AGMO: variants seen among roughly 807,000 people sequenced by gnomAD.
AGMO encodes alkylglycerol monooxygenase.
AGMO carries 75 observed loss-of-function variants against 60.2 expected under a neutral mutation model. The observed-to-expected ratio is 1.25, with a 90% CI of 1.03 to 1.51. The LOEUF (loss-of-function observed/expected upper bound fraction) is 1.51. Among genes scored for constraint, AGMO ranks in the 40% most tolerant of loss-of-function variants. AGMO has a pLI of 0.00. For synonymous variants in AGMO, 261 were observed against 177.1 expected (o/e 1.47, Z -3.76); for missense variants, 763 against 525.5 (o/e 1.45, Z -4.42).
rs71004372 is a variant in AGMO, at chr7:15,248,223, T to TATATA, written c.1264-46865_1264-46864insTATAT. The stretch of plus-strand genomic sequence containing the variant: ...ATATATATATATATATATATATATA[T>TATATA]ATCTTCATCTTCAATTCTAGTCTAA... On this transcript the variant is annotated intron_variant, in intron 12 of 12. Transcript: ENST00000342526. Among the ~76,000 whole-genome samples the TATATA allele has an allele frequency of 1.9e-3, 209 of 111,980 alleles. 7 individuals carry two copies. The highest frequency in any genetic ancestry group is 3.6e-3 in the Non-Finnish European group (190 of 52,900). The allele number at this position is 111,980 out of a possible 152,430, so 73.5% of individuals were successfully genotyped here. A position where few individuals can be genotyped will look rare whatever the true frequency, so the allele number is the denominator to read the frequency against.
intron 5 of AGMO, among the ~76,000 whole-genome samples, chr7:15,397,121 T>C (rs1428557843): frequency 6.6e-6 from 1 of 152,110 alleles, no homozygotes; most frequent in Non-Finnish European, 1.5e-5. Context: ...GTACCTATCC[T>C]GGGCACTCCC....
chr7:15,529,718 C>CTA (rs1491380762), intron 3 of AGMO, among the ~76,000 whole-genome samples: 6 of 54,234 alleles, frequency 1.1e-4, no homozygotes, highest in African/African-American at 4.4e-4. Flanking sequence ...TATATATATA[C>CTA]TATATACTCT....
chr7:15,272,371 C>T (rs953714344), intron 12 of AGMO, among the ~76,000 whole-genome samples: 56 of 148,584 alleles, frequency 3.8e-4, no homozygotes, highest in East Asian at 2.2e-3. Context: ...TGAGTGAGAA[C>T]ATGCGGTGTT....
At chr7:15,270,896 C>G (rs1421172679) in intron 12 of AGMO, among the ~76,000 whole-genome samples, 1 of 151,714 alleles carries the variant, frequency 6.6e-6, no homozygotes, top group Non-Finnish European at 1.5e-5. Flanking sequence ...GCCAATTTTC[C>G]ACACACCATT....
At chr7:15,392,015 G>A (rs569278139) in intron 6 of AGMO, among the ~76,000 whole-genome samples, 1 of 152,216 alleles carries the variant, frequency 6.6e-6, no homozygotes, top group East Asian at 1.9e-4. Flanking sequence ...AGTAGCAACT[G>A]TTTCATTTGG....
chr7:15,512,568 C>T (rs975733641), intron 3 of AGMO, among the ~76,000 whole-genome samples: 1 of 152,090 alleles, frequency 6.6e-6, no homozygotes, highest in African/African-American at 2.4e-5. Context: ...TCTGATACTC[C>T]TTTTTCAATT....
At chr7:15,203,240 C>T (rs971463125) in intron 12 of AGMO, among the ~76,000 whole-genome samples, 6 of 152,040 alleles carry the variant, frequency 3.9e-5, no homozygotes, top group Non-Finnish European at 7.4e-5. Context: ...ACTTTCATCT[C>T]GACTTCCAGT....
At chr7:15,548,831 CCT>C in intron 2 of AGMO, among the ~76,000 whole-genome samples, 1 of 152,062 alleles carries the variant, frequency 6.6e-6, no homozygotes, top group Non-Finnish European at 1.5e-5. Flanking sequence ...CAAAGATACT[CCT>C]CGAGAAGGGC....
chr7:15,260,544 G>C (rs1296333398), intron 12 of AGMO, among the ~76,000 whole-genome samples: 1 of 152,046 alleles, frequency 6.6e-6, no homozygotes, highest in Non-Finnish European at 1.5e-5. Flanking sequence ...TAAGAAATGA[G>C]ATAGACAGCA....
intron 2 of AGMO, among the ~76,000 whole-genome samples, chr7:15,552,558 A>G (rs551221509): frequency 0.12 from 17,416 of 147,960 alleles, 1,314 homozygotes; most frequent in South Asian, 0.24. Context: ...CAGCCAAAAA[A>G]CACATGAAAA....
At chr7:15,394,731 A>G (rs1051904397) in intron 5 of AGMO, among the ~76,000 whole-genome samples, 4 of 152,202 alleles carry the variant, frequency 2.6e-5, no homozygotes, top group African/African-American at 9.6e-5. Flanking sequence ...TAAATCAGCC[A>G]TGCAGCAACG....
chr7:15,445,993 A>G (rs76239515), intron 3 of AGMO, among the ~76,000 whole-genome samples: 18,310 of 152,270 alleles, frequency 0.12, 1,249 homozygotes, highest in Non-Finnish European at 0.15. Flanking sequence ...GTATTTAAAT[A>G]TCATTTTGAA....
chr7:15,185,196 T>C, the AGMO span, among the ~76,000 whole-genome samples: 1 of 152,212 alleles, frequency 6.6e-6, no homozygotes, highest in Non-Finnish European at 1.5e-5. Flanking sequence ...CATCATCTTA[T>C]TCTTCAATGT....
At chr7:15,168,128 C>G in the AGMO span, among the ~76,000 whole-genome samples, 1 of 152,182 alleles carries the variant, frequency 6.6e-6, no homozygotes. Flanking sequence ...TTAATACCAG[C>G]TGCACTGGCC....
chr7:15,273,357 T>C (rs1201445252), intron 12 of AGMO, among the ~76,000 whole-genome samples: 7 of 152,232 alleles, frequency 4.6e-5, no homozygotes, highest in African/African-American at 1.2e-4. Context: ...GCTAGTCAGT[T>C]TTCCCAGCAC....
chr7:15,383,433 A>G (rs1052247906), intron 10 of AGMO, among the ~76,000 whole-genome samples: 3 of 152,138 alleles, frequency 2.0e-5, no homozygotes, highest in African/African-American at 7.2e-5. Context: ...AACAATAAAA[A>G]AAAGTCCCAC....
intron 2 of AGMO, among the ~76,000 whole-genome samples, chr7:15,559,226 C>A (rs562296172): frequency 8.6e-5 from 13 of 152,040 alleles, no homozygotes; most frequent in Non-Finnish European, 1.9e-4. Flanking sequence ...GACATCATTC[C>A]AGGCACAGGA....
intron 12 of AGMO, among the ~76,000 whole-genome samples, chr7:15,257,409 C>T (rs867987214): frequency 1.3e-5 from 2 of 151,920 alleles, no homozygotes; most frequent in South Asian, 4.1e-4. Flanking sequence ...AATATTAATT[C>T]ACCTATATTC....
At chr7:15,211,517 T>C (rs1435052975) in intron 12 of AGMO, among the ~76,000 whole-genome samples, 1 of 151,984 alleles carries the variant, frequency 6.6e-6, no homozygotes, top group African/African-American at 2.4e-5. Flanking sequence ...GTTTGGAGTA[T>C]TTCTATTATG....
Sources: gnomAD v4.1 joint callset for allele counts (sites outside exome capture counted in the v4.1 genomes callset) on GRCh38, gnomAD v4.1.1 for gene constraint, MANE v1.5 for transcripts, NCBI Gene and HGNC (gene_info 2026-07-23, HGNC 2026-07-21) for gene names.